Variants in RUNDC1 observed in about 807,000 individuals in gnomAD.
RUNDC1 encodes RUN domain-containing protein 1.
In RUNDC1, 31 loss-of-function variants were observed where a neutral mutation model predicts 49.3. That is an observed-to-expected ratio of 0.63 (90% CI 0.47 to 0.85). RUNDC1 has a LOEUF of 0.85. Among genes scored for constraint, RUNDC1 ranks in the 40% least tolerant of loss-of-function variants. RUNDC1 has a pLI of 0.00. For missense variants in RUNDC1, 715 were observed against 806.7 expected, an observed-to-expected ratio of 0.89 and a Z score of 1.38; for synonymous variants, 347 against 348.6, an observed-to-expected ratio of 1.00 and a Z score of 0.05.
chr17:42,986,645 C>T (rs2050176095), intron 1 of RUNDC1, among the ~76,000 whole-genome samples: 1 of 152,030 alleles, frequency 6.6e-6, no homozygotes, highest in African/African-American at 2.4e-5. Context: ...CTACAGGCGC[C>T]CGCCACCACA....
chr17:42,989,329 T>G lies in RUNDC1; in HGVS notation c.658-12T>G. The G allele has an allele frequency of 1.2e-6, 2 of 1,610,574 alleles. No individual in the cohort carries two copies. Among genetic ancestry groups the G allele is most frequent in the Non-Finnish European group, 1.7e-6 (2 of 1,177,492 alleles). Reference sequence around the variant, plus strand: ...TTCCAAAGGGTGTGCTCATTGCTTGTGATCTTGGTAGGTGATCATAGATGA... The same window carrying G: ...TTCCAAAGGGTGTGCTCATTGCTTGGGATCTTGGTAGGTGATCATAGATGA... On this transcript the variant is annotated splice_polypyrimidine_tract_variant and intron_variant, in intron 2 of 4. Transcript: ENST00000361677.
At chr17:42,981,115 T>A (rs1401346963) in intron 1 of RUNDC1, 41 bp downstream of exon 1, 10 of 1,522,320 alleles carry the variant, frequency 6.6e-6, no homozygotes, top group Admixed American at 2.0e-5. Context: ...ATGGGAATAG[T>A]GGGGTCGTGT....
intron 1 of RUNDC1, among the ~76,000 whole-genome samples, chr17:42,983,753 C>T (rs1213244505): frequency 6.6e-6 from 1 of 151,782 alleles, no homozygotes; most frequent in Non-Finnish European, 1.5e-5. Flanking sequence ...CTCACAGCAA[C>T]CTCCGCCTCC....
At chr17:42,984,982 G>A (rs534913613) in intron 1 of RUNDC1, among the ~76,000 whole-genome samples, 6 of 125,784 alleles carry the variant, frequency 4.8e-5, no homozygotes, top group African/African-American at 9.0e-5. Context: ...TCCAACCTCC[G>A]CCTCCTGGGT....
Position 42,991,599 on chromosome 17 carries a change from G to T in RUNDC1, c.1725G>T (p.Met575Ile). ...IEPHYQPWSY[M>I]AHTGFESALN... ...CTCACTACCAGCCCTGGAGCTACAT[G>T]GCACACACAGGCTTTGAGAGTGCCC... is the stretch of plus-strand genomic sequence containing the variant. The change falls in exon 5 of 5, where the codon ATG becomes ATT. Residue 575 changes from methionine (M) to isoleucine (I), a missense_variant. By Grantham distance (10) the Met-to-Ile change is conservative. This residue lies in a region of RUNDC1 where 425 missense variants were observed against 499.7 expected (regional missense o/e 0.85). Transcript: ENST00000361677. 6.2e-7 allele frequency: 1 copy of T among 1,614,142 alleles called. No homozygotes were observed. The highest frequency in any genetic ancestry group is 8.5e-7 in the Non-Finnish European group (1 of 1,180,024).
Position 42,990,408 on chromosome 17 carries a change from C to G in RUNDC1, c.948C>G (p.Ser316Arg). 3 of 1,613,994 alleles carry G rather than the reference C, an allele frequency of 1.9e-6. No individual in the cohort carries two copies. Among genetic ancestry groups the G allele is most frequent in the Non-Finnish European group, 2.5e-6 (3 of 1,180,014 alleles). ...KTGNGCSRTG[S>R]SRTPPGNSKT... Reference sequence around the variant, plus strand: ...GAAATGGCTGCAGCAGAACAGGCAGCAGCAGAACGCCTCCAGGAAACAGCA... The same window carrying G: ...GAAATGGCTGCAGCAGAACAGGCAGGAGCAGAACGCCTCCAGGAAACAGCA... Residue 316 changes from serine (S) to arginine (R), a missense_variant, in exon 4 of 5, where the codon AGC becomes AGG. Transcript: ENST00000361677.
chr17:42,990,987 G>A lies in RUNDC1; in HGVS notation c.1113G>A (p.Arg371=). The part of the protein sequence containing the change: ...TGQIPPTLWQ[R]VQADRDYSPL... ...AGATCCCTCCAACCCTGTGGCAGAG[G>A]GTCCAGGCTGACAGAGACTACTCTC... The change falls in exon 5 of 5, where the codon AGG becomes AGA. Residue 371 remains arginine, a synonymous_variant. Transcript: ENST00000361677. 1 of 1,614,156 alleles carries A rather than the reference G, an allele frequency of 6.2e-7. No individual in the cohort carries two copies. The highest frequency in any genetic ancestry group is 1.3e-5 in the African/African-American group (1 of 75,062).
Position 42,990,371 on chromosome 17 carries a change from G to T in RUNDC1, c.911G>T (p.Gly304Val), listed in dbSNP as rs1206579673. Reference sequence around the variant, plus strand: ...GGTGGACACTGTGAGTGCAAGGCCGGTGGGAAGACAGGAAATGGCTGCAGC... The same window carrying T: ...GGTGGACACTGTGAGTGCAAGGCCGTTGGGAAGACAGGAAATGGCTGCAGC... Reference protein sequence around the residue: ...TGGGHCECKAGGKTGNGCSRT... With the variant: ...TGGGHCECKAVGKTGNGCSRT... The change falls in exon 4 of 5, where the codon GGT (glycine) becomes GTT (valine). Residue 304 changes from glycine (G) to valine (V), a missense_variant. Physicochemically the swap from Gly to Val is moderately radical, Grantham distance 109 (BLOSUM62 -3). This residue lies in a region of RUNDC1 where 425 missense variants were observed against 499.7 expected (regional missense o/e 0.85). Coordinates refer to ENST00000361677, the MANE Select transcript of RUNDC1 (RefSeq NM_173079.5). The T allele has an allele frequency of 6.2e-7, 1 of 1,614,014 alleles. No individual in the cohort carries two copies. Among genetic ancestry groups the T allele is most frequent in the African/African-American group, 1.3e-5 (1 of 74,944 alleles).
chr17:42,981,159 C>T lies in RUNDC1; in HGVS notation c.498+85C>T, dbSNP rs767250445. The stretch of plus-strand genomic sequence containing the variant: ...ATCCAGACCCGGATGATGGTGCATG[C>T]GGGGAGAAGCCTCCCCGACTCGGTC... On this transcript the variant is annotated intron_variant, in intron 1 of 4. Transcript: ENST00000361677. The T allele has an allele frequency of 5.7e-5, 81 of 1,430,872 alleles. 3 individuals carry two copies. Among genetic ancestry groups the T allele is most frequent in the East Asian group, 5.3e-4 (19 of 35,610 alleles). The allele number at this position is 1,430,872 out of a possible 1,614,324, so 88.6% of individuals were successfully genotyped here. A position where few individuals can be genotyped will look rare whatever the true frequency, so the allele number is the denominator to read the frequency against.
At position 42,981,090 on chromosome 17, in the gene RUNDC1, C is replaced by T; in HGVS notation, c.498+16C>T. The stretch of plus-strand genomic sequence containing the variant: ...CGAGGACCAGGTGAGTGGCTGGAGC[C>T]GGGCCGCGAGGAATATGGGAATAGT... On this transcript the variant is annotated intron_variant, in intron 1 of 4. Coordinates refer to ENST00000361677, the MANE Select transcript of RUNDC1 (RefSeq NM_173079.5). 1.3e-6 allele frequency: 2 copies of T among 1,550,344 alleles called. No homozygotes were observed. The highest frequency in any genetic ancestry group is 1.7e-6 in the Non-Finnish European group (2 of 1,156,356).
chr17:42,987,487 C>G, intron 2 of RUNDC1, 73 bp downstream of exon 2: 1 of 1,416,078 alleles, frequency 7.1e-7, no homozygotes, highest in Non-Finnish European at 9.9e-7. Flanking sequence ...ACAGGGCATC[C>G]TCTCTCAGCT....
intron 3 of RUNDC1, 48 bp from the exon 4 acceptor site, chr17:42,990,269 T>C (rs1290499782): frequency 6.3e-7 from 1 of 1,585,810 alleles, no homozygotes; most frequent in Non-Finnish European, 8.6e-7. Flanking sequence ...TTTAAAGATC[T>C]GCCATAAAGG....
chr17:42,989,386 G>A lies in RUNDC1; in HGVS notation c.703G>A (p.Glu235Lys), dbSNP rs2050208618. 6.2e-7 allele frequency: 1 copy of A among 1,614,072 alleles called. No individual in the cohort carries two copies. The highest frequency in any genetic ancestry group is 1.7e-5 in the Admixed American group (1 of 60,014). The change falls in exon 3 of 5, where the codon GAG (glutamate) becomes AAG (lysine). Residue 235 changes from glutamate (E) to lysine (K), a missense_variant. By Grantham distance (56) the Glu-to-Lys change is moderately conservative. Transcript: ENST00000361677. ...AAAGAAACTGGACATGAATCTGAAT[G>A]AGGACATCAGTTCCCTGTCCACTGA... ...LIKKLDMNLN[E>K]DISSLSTEEL...
At chr17:42,990,519 G>T in intron 4 of RUNDC1, 83 bp downstream of exon 4, 1 of 1,380,806 alleles carries the variant, frequency 7.2e-7, no homozygotes, top group Non-Finnish European at 1.0e-6. Context: ...GTGTTGAGGA[G>T]AAGAGGGGAA....
At chr17:42,982,814 A>G (rs1287042172) in intron 1 of RUNDC1, among the ~76,000 whole-genome samples, 1 of 73,902 alleles carries the variant, frequency 1.4e-5, no homozygotes, top group African/African-American at 4.3e-5. Context: ...TCTCTACTAA[A>G]AATACAAAAA....
In RUNDC1 at chr17:42,987,301, C is replaced by T. The variant is rs377394528; in HGVS notation, c.544C>T (p.Gln182Ter). ...GCGTCTGGAAACCCAAAGGGAGAAG[C>T]AGAAAGAACTGATACTGCAGCTCAA... ...QERLETQREKQKELILQLKTQ... is the reference protein window; with the variant it reads ...QERLETQREK Residue 182 changes from glutamine (Q) to a stop codon, truncating the protein, a stop_gained, in exon 2 of 5, where the codon CAG becomes TAG. Coordinates refer to ENST00000361677, the MANE Select transcript of RUNDC1 (RefSeq NM_173079.5). LOFTEE classifies it high-confidence loss of function. 10 of 1,613,888 alleles carry T rather than the reference C, an allele frequency of 6.2e-6. No individual in the cohort carries two copies. The African/African-American group carries it at 1.2e-4, about 19-fold the overall frequency.
At chr17:42,982,771 C>T (rs1174818035) in intron 1 of RUNDC1, among the ~76,000 whole-genome samples, 2 of 147,950 alleles carry the variant, frequency 1.4e-5, no homozygotes, top group African/African-American at 2.5e-5. Flanking sequence ...GTTGGGAGTT[C>T]GAGACCAGCC....
At chr17:42,984,711 A>G (rs189121668) in intron 1 of RUNDC1, among the ~76,000 whole-genome samples, 6 of 152,226 alleles carry the variant, frequency 3.9e-5, no homozygotes, top group Non-Finnish European at 7.4e-5. Flanking sequence ...GGTCATGAAA[A>G]TGGAATCAAA....
intron 1 of RUNDC1, among the ~76,000 whole-genome samples, chr17:42,985,106 C>T (rs1173391981): frequency 6.6e-6 from 1 of 151,896 alleles, no homozygotes; most frequent in Non-Finnish European, 1.5e-5. Flanking sequence ...AGGCTGGTCT[C>T]GAACTCCTGA....
Sources: gnomAD v4.1 joint callset for allele counts (sites outside exome capture counted in the v4.1 genomes callset) on GRCh38, gnomAD v4.1.1 for gene constraint, gnomAD v4.1.1 regional missense constraint, MANE v1.5 for transcripts, NCBI Gene and HGNC (gene_info 2026-07-23, HGNC 2026-07-21) for gene names.